SGCZ: variants seen among roughly 807,000 people sequenced by gnomAD.
The protein encoded by SGCZ is zeta-sarcoglycan.
SGCZ carries 40 observed loss-of-function variants against 41.3 expected under a neutral mutation model. The observed-to-expected ratio is 0.97, with a 90% CI of 0.75 to 1.26. SGCZ has a LOEUF of 1.26. Ranked by LOEUF, SGCZ falls within the 50% of genes most tolerant of loss-of-function variation. SGCZ has a pLI of 0.00. For missense variants in SGCZ, 552 were observed against 369.8 expected (o/e 1.49, Z -4.04); for synonymous variants, 206 against 137.5 (o/e 1.50, Z -3.49).
intron 1 of SGCZ, among the ~76,000 whole-genome samples, chr8:15,104,525 T>C (rs1806743175): frequency 6.6e-6 from 1 of 152,258 alleles, no homozygotes; most frequent in African/African-American, 2.4e-5. Flanking sequence ...AAATTCTCTT[T>C]CTTGCCTTGC....
chr8:14,719,203 A>G (rs1809800816), intron 1 of SGCZ, among the ~76,000 whole-genome samples: 2 of 149,644 alleles, frequency 1.3e-5, no homozygotes, highest in Non-Finnish European at 3.0e-5. Flanking sequence ...TTATGGCTGC[A>G]TAGTATTCCA....
intron 1 of SGCZ, among the ~76,000 whole-genome samples, chr8:15,186,280 A>G (rs1800340554): frequency 3.6e-5 from 1 of 27,642 alleles, no homozygotes; most frequent in African/African-American, 5.6e-5. Flanking sequence ...AAAAAAAAAA[A>G]AAAAAAAAAA....
intron 1 of SGCZ, among the ~76,000 whole-genome samples, chr8:15,110,845 G>A (rs917088774): frequency 1.3e-5 from 2 of 152,114 alleles, no homozygotes; most frequent in Admixed American, 1.3e-4. Context: ...GCATGCACCT[G>A]TAATCCCAGC....
chr8:15,070,787 T>G (rs1412865979), intron 1 of SGCZ, among the ~76,000 whole-genome samples: 2 of 152,152 alleles, frequency 1.3e-5, no homozygotes, highest in Non-Finnish European at 2.9e-5. Context: ...AATGAGTGTA[T>G]TAGCTTCTTA....
At position 14,440,681 on chromosome 8, in the gene SGCZ, ACG is replaced by A. The variant is rs1475289436; in HGVS notation, c.234+114049_234+114050del. 4.9e-4 allele frequency among the ~76,000 whole-genome samples: 41 copies of A among 83,866 alleles called. 2 individuals carry two copies. The East Asian group carries it at 7.6e-3, about 16-fold the overall frequency. 55.0% of individuals were successfully genotyped at this position (83,866 alleles called of 152,430 possible). ...TATATGTGTCTGTATGTATATACATACGTATACACGTATATGTATATATGTAT... is the reference window on the plus strand; with the variant it reads ...TATATGTGTCTGTATGTATATACATATATACACGTATATGTATATATGTAT... On this transcript the variant is annotated intron_variant, in intron 2 of 7. Transcript: ENST00000382080.
In SGCZ at chr8:14,919,049, C is replaced by G. The variant is rs1209978593; in HGVS notation, c.39+318536G>C. Among the ~76,000 whole-genome samples the G allele has an allele frequency of 2.0e-5, 3 of 152,080 alleles. No individual in the cohort carries two copies. In the East Asian group the frequency reaches 5.8e-4, roughly 29 times the overall value. Reference sequence around the variant, plus strand: ...TTTATCATGTCAGTGGAGATAATAGCAATACTCACCTTTTAAGATGCGTTG... The same window carrying G: ...TTTATCATGTCAGTGGAGATAATAGGAATACTCACCTTTTAAGATGCGTTG... On this transcript the variant is annotated intron_variant, in intron 1 of 7. Transcript: ENST00000382080.
intron 1 of SGCZ, among the ~76,000 whole-genome samples, chr8:14,996,799 T>A (rs1802235914): frequency 2.0e-5 from 3 of 152,192 alleles, no homozygotes; most frequent in African/African-American, 7.2e-5. Flanking sequence ...TGCCAAACAA[T>A]AATTTGTGCC....
At chr8:15,068,373 A>G (rs1805229149) in intron 1 of SGCZ, among the ~76,000 whole-genome samples, 1 of 152,196 alleles carries the variant, frequency 6.6e-6, no homozygotes, top group African/African-American at 2.4e-5. Context: ...AGCATTTAGA[A>G]TTTAGAGTTG....
intron 1 of SGCZ, among the ~76,000 whole-genome samples, chr8:14,667,651 T>C (rs984852835): frequency 6.6e-6 from 1 of 152,200 alleles, no homozygotes; most frequent in East Asian, 1.9e-4. Flanking sequence ...AAAAATCTAA[T>C]GATTCCAGAA....
intron 1 of SGCZ, among the ~76,000 whole-genome samples, chr8:14,784,214 C>T (rs1800680569): frequency 9.3e-6 from 1 of 107,554 alleles, no homozygotes; most frequent in Admixed American, 1.0e-4. Flanking sequence ...CCGAGCCTGG[C>T]TAATTTTTTT....
chr8:14,334,441 C>T (rs951413215), intron 2 of SGCZ, among the ~76,000 whole-genome samples: 1 of 152,062 alleles, frequency 6.6e-6, no homozygotes, highest in Non-Finnish European at 1.5e-5. Context: ...ATCCAGAACA[C>T]AAGTCCAGTC....
chr8:15,219,698 A>G (rs1801527709), intron 1 of SGCZ, among the ~76,000 whole-genome samples: 1 of 152,198 alleles, frequency 6.6e-6, no homozygotes, highest in Admixed American at 6.5e-5. Flanking sequence ...AGAAGGAAAC[A>G]GGAGGTTTAA....
chr8:14,328,308 A>T (rs142602203), intron 2 of SGCZ, among the ~76,000 whole-genome samples: 1 of 152,266 alleles, frequency 6.6e-6, no homozygotes, highest in Non-Finnish European at 1.5e-5. Context: ...GAAAGGGAGA[A>T]AATGATTTGT....
intron 6 of SGCZ, among the ~76,000 whole-genome samples, chr8:14,106,014 TG>T (rs1399721589): frequency 6.6e-5 from 10 of 151,926 alleles, no homozygotes; most frequent in African/African-American, 2.2e-4. Context: ...AAAACACAGA[TG>T]AAAAAAATTG....
At chr8:14,888,548 A>T (rs1395575113) in intron 1 of SGCZ, among the ~76,000 whole-genome samples, 1 of 152,210 alleles carries the variant, frequency 6.6e-6, no homozygotes, top group Non-Finnish European at 1.5e-5. Context: ...AAACAATGTA[A>T]GTCCTTATTG....
intron 1 of SGCZ, among the ~76,000 whole-genome samples, chr8:15,166,880 GA>G (rs1799681087): frequency 6.6e-6 from 1 of 152,136 alleles, no homozygotes; most frequent in South Asian, 2.1e-4. Flanking sequence ...TGGAATAAAG[GA>G]AAATGTACAG....
intron 2 of SGCZ, among the ~76,000 whole-genome samples, chr8:14,392,083 A>C (rs565512323): frequency 6.6e-6 from 1 of 152,306 alleles, no homozygotes; most frequent in South Asian, 2.1e-4. Flanking sequence ...GAGAAAGCTT[A>C]AATGATCCCC....
intron 5 of SGCZ, among the ~76,000 whole-genome samples, chr8:14,143,387 T>C (rs1214626297): frequency 6.6e-6 from 1 of 152,178 alleles, no homozygotes; most frequent in African/African-American, 2.4e-5. Context: ...TTTCTCTATT[T>C]GAAAATGACA....
intron 1 of SGCZ, among the ~76,000 whole-genome samples, chr8:14,647,885 C>A (rs191282094): frequency 6.6e-6 from 1 of 151,924 alleles, no homozygotes; most frequent in Non-Finnish European, 1.5e-5. Flanking sequence ...GTGACCCTTA[C>A]GACAACATTT....
Sources: gnomAD v4.1 joint callset for allele counts (sites outside exome capture counted in the v4.1 genomes callset) on GRCh38, gnomAD v4.1.1 for gene constraint, MANE v1.5 for transcripts, NCBI Gene and HGNC (gene_info 2026-07-23, HGNC 2026-07-21) for gene names.